Variants in SFMBT2 observed in about 807,000 individuals in gnomAD.
SFMBT2 encodes the protein scm-like with four MBT domains protein 2.
In SFMBT2, 38 loss-of-function variants were observed where a neutral mutation model predicts 110.1. The ratio of observed to expected loss-of-function variants is 0.35; its 90% CI spans 0.27 to 0.45. The LOEUF is 0.45. Among genes scored for constraint, SFMBT2 ranks in the 20% least tolerant of loss-of-function variants. The probability of loss-of-function intolerance (pLI) is 1.00; values close to 1 mark genes in which losing one functional copy is unlikely to be tolerated. For synonymous variants in SFMBT2, 425 were observed against 425.4 expected (o/e 1.00, Z 0.01); for missense variants, 1,011 against 1,094.9 (o/e 0.92, Z 1.08).
rs138038962 is a variant in SFMBT2 at position 7,345,790 on chromosome 10, A to G, written c.436+21859T>C. Among the ~76,000 whole-genome samples the G allele has an allele frequency of 2.8e-3, 421 of 152,366 alleles. 2 individuals are homozygous for G. The highest frequency in any genetic ancestry group is 9.7e-3 in the African/African-American group (404 of 41,592). On this transcript the variant is annotated intron_variant, in intron 4 of 20. Coordinates refer to ENST00000397167, the MANE Select transcript of SFMBT2 (RefSeq NM_001387889.1). ...TCCTTCCCTTCTCCCCAGACCCATCAACAGATGGTCTTAACCGAGTGTTCT... is the reference window on the plus strand; with the variant it reads ...TCCTTCCCTTCTCCCCAGACCCATCGACAGATGGTCTTAACCGAGTGTTCT...
intron 11 of SFMBT2, among the ~76,000 whole-genome samples, chr10:7,220,064 A>G (rs912097658): frequency 5.3e-5 from 8 of 152,196 alleles, no homozygotes; most frequent in African/African-American, 1.7e-4. Context: ...CAAATGTACA[A>G]TTTTGTCCTG....
intron 7 of SFMBT2, among the ~76,000 whole-genome samples, chr10:7,250,239 T>TC (rs994738082): frequency 7.2e-5 from 11 of 152,028 alleles, no homozygotes; most frequent in Non-Finnish European, 1.6e-4. Context: ...ATGACTCATT[T>TC]CCCCCCTCCC....
At chr10:7,278,607 T>C (rs752359758) in intron 6 of SFMBT2, among the ~76,000 whole-genome samples, 16 of 151,958 alleles carry the variant, frequency 1.1e-4, no homozygotes, top group Non-Finnish European at 2.1e-4. Flanking sequence ...CTGGGCATGG[T>C]AGGAAAAGGA....
intron 12 of SFMBT2, chr10:7,203,179 A>G (rs1366211534): frequency 3.3e-6 from 3 of 907,704 alleles, no homozygotes; most frequent in African/African-American, 3.6e-5. Flanking sequence ...ATTAATTCCA[A>G]CAAAACTTCT....
chr10:7,286,750 G>A (rs1842103095), intron 4 of SFMBT2, among the ~76,000 whole-genome samples: 1 of 152,072 alleles, frequency 6.6e-6, no homozygotes, highest in East Asian at 1.9e-4. Context: ...TATCCTTGGG[G>A]GTCCTGGAGC....
chr10:7,397,610 G>A (rs1272285956), intron 1 of SFMBT2, among the ~76,000 whole-genome samples: 1 of 152,018 alleles, frequency 6.6e-6, no homozygotes, highest in East Asian at 1.9e-4. Flanking sequence ...AAATCTCAAA[G>A]GATTCTGAAA....
intron 4 of SFMBT2, among the ~76,000 whole-genome samples, chr10:7,342,443 C>A (rs954039481): frequency 8.6e-6 from 1 of 115,898 alleles, no homozygotes; most frequent in African/African-American, 3.3e-5. Context: ...GAGTCTCGCT[C>A]TGTCGCCCAG....
Position 7,408,417 on chromosome 10 carries a change from C to G in SFMBT2, c.-52+2444G>C, listed in dbSNP as rs1484028452. On this transcript the variant is annotated intron_variant, in intron 1 of 20. Coordinates refer to ENST00000397167, the MANE Select transcript of SFMBT2 (RefSeq NM_001387889.1). The surrounding 1 kb of genome is among the most constrained non-coding windows in gnomAD (Gnocchi z 5.7). ...CCGAGTGACCCTGTCTAGCCTCGTT[C>G]TGCGCTCCTGCAAACCACGTTGCTG... 6.6e-6 allele frequency among the ~76,000 whole-genome samples: 1 copy of G among 152,268 alleles called. No homozygotes were observed. The highest frequency in any genetic ancestry group is 2.4e-5 in the African/African-American group (1 of 41,470).
At chr10:7,315,423 A>G (rs1279840340) in intron 4 of SFMBT2, among the ~76,000 whole-genome samples, 1 of 152,066 alleles carries the variant, frequency 6.6e-6, no homozygotes, top group Non-Finnish European at 1.5e-5. Context: ...GCTTTTTCCC[A>G]CCTTCCAACT....
chr10:7,320,326 A>C (rs1843148278), intron 4 of SFMBT2, among the ~76,000 whole-genome samples: 2 of 152,200 alleles, frequency 1.3e-5, no homozygotes. Flanking sequence ...ATCATGTGGT[A>C]AGTGTTCTCT....
chr10:7,276,793 T>G, intron 7 of SFMBT2, 99 bp downstream of exon 7: 1 of 723,518 alleles, frequency 1.4e-6, no homozygotes, highest in Non-Finnish European at 2.5e-6. Flanking sequence ...CTCAAAGTGC[T>G]GGGATTACAG....
At chr10:7,318,238 G>A (rs761954120) in intron 4 of SFMBT2, among the ~76,000 whole-genome samples, 32 of 152,126 alleles carry the variant, frequency 2.1e-4, no homozygotes, top group Non-Finnish European at 7.3e-5. Context: ...TAAAGACCAC[G>A]GTTTCACAAC....
chr10:7,376,237 G>T (rs1341023552), intron 2 of SFMBT2, among the ~76,000 whole-genome samples: 1 of 152,086 alleles, frequency 6.6e-6, no homozygotes, highest in Non-Finnish European at 1.5e-5. Flanking sequence ...GGTGTCCCCT[G>T]GGATGATGCT....
At chr10:7,273,683 T>C (rs1032416160) in intron 7 of SFMBT2, among the ~76,000 whole-genome samples, 3 of 152,218 alleles carry the variant, frequency 2.0e-5, no homozygotes, top group Non-Finnish European at 4.4e-5. Context: ...GTTCTCACTG[T>C]TCAATTCCCA....
intron 1 of SFMBT2, among the ~76,000 whole-genome samples, chr10:7,385,716 C>T (rs950037975): frequency 3.9e-5 from 6 of 152,170 alleles, no homozygotes; most frequent in African/African-American, 7.2e-5. Flanking sequence ...AGCCCCTCTC[C>T]TGGCCAGGCA....
At chr10:7,334,833 C>T (rs1316667438) in intron 4 of SFMBT2, among the ~76,000 whole-genome samples, 1 of 152,176 alleles carries the variant, frequency 6.6e-6, no homozygotes, top group Non-Finnish European at 1.5e-5. Flanking sequence ...GAGGCCTGCA[C>T]TGCATCAGAG....
rs112838740 is a variant in SFMBT2 at position 7,168,683 on chromosome 10, G to A, written c.2544+2245C>T. Among the ~76,000 whole-genome samples, 527 of 152,374 alleles carry A rather than the reference G, an allele frequency of 3.5e-3. 3 individuals are homozygous for A. The highest frequency in any genetic ancestry group is 0.012 in the African/African-American group (513 of 41,592). On this transcript the variant is annotated intron_variant, in intron 20 of 20. Coordinates refer to ENST00000397167, the MANE Select transcript of SFMBT2 (RefSeq NM_001387889.1). ...CAGGCAACGTGCTGTGCTGGGCAGC[G>A]CTTTACACAGCATTTCAACCTATTG... is the stretch of plus-strand genomic sequence containing the variant.
At chr10:7,292,771 C>G (rs1176177002) in intron 4 of SFMBT2, among the ~76,000 whole-genome samples, 1 of 152,134 alleles carries the variant, frequency 6.6e-6, no homozygotes, top group Non-Finnish European at 1.5e-5. Flanking sequence ...AATCCCAGCA[C>G]TTTAGGAGGC....
chr10:7,305,923 A>G (rs901227824), intron 4 of SFMBT2, among the ~76,000 whole-genome samples: 1 of 152,266 alleles, frequency 6.6e-6, no homozygotes, highest in African/African-American at 2.4e-5. Context: ...GGTTGCCCCA[A>G]TTACTGGAAC....
Sources: gnomAD v4.1 joint callset for allele counts (sites outside exome capture counted in the v4.1 genomes callset) on GRCh38, gnomAD v4.1.1 for gene constraint, Gnocchi (gnomAD v3.1) non-coding constraint, MANE v1.5 for transcripts, NCBI Gene and HGNC (gene_info 2026-07-23, HGNC 2026-07-21) for gene names.